The following WASF2 variants were observed in gnomAD, a reference collection of about 807,000 sequenced individuals.
WASF2 encodes actin-binding protein WASF2.
A neutral mutation model predicts 45.0 loss-of-function variants in WASF2; 14 were observed. The observed-to-expected ratio is 0.31, with a 90% CI of 0.21 to 0.49. The LOEUF (loss-of-function observed/expected upper bound fraction) is 0.49. Among genes scored for constraint, WASF2 ranks in the 20% least tolerant of loss-of-function variants. WASF2 has a pLI of 0.99. For missense variants in WASF2, 439 were observed against 636.1 expected, an observed-to-expected ratio of 0.69 and a Z score of 3.33; for synonymous variants, 200 against 236.3, an observed-to-expected ratio of 0.85 and a Z score of 1.41.
chr1:27,445,440 A>G (rs922416334), intron 1 of WASF2, among the ~76,000 whole-genome samples: 1 of 152,252 alleles, frequency 6.6e-6, no homozygotes, highest in East Asian at 1.9e-4. Context: ...AAATACGCCC[A>G]TAGTTCTCAT....
chr1:27,461,709 C>T (rs867297562), intron 1 of WASF2, among the ~76,000 whole-genome samples: 2 of 152,040 alleles, frequency 1.3e-5, no homozygotes, highest in Admixed American at 1.3e-4. Context: ...CTCCTGACCT[C>T]GTAATCCACC....
intron 1 of WASF2, among the ~76,000 whole-genome samples, chr1:27,433,533 T>G (rs553334436): frequency 1.3e-5 from 2 of 152,206 alleles, no homozygotes; most frequent in East Asian, 1.9e-4. Flanking sequence ...AGGGTCACAT[T>G]TGCATTTTAG....
chr1:27,431,155 C>G (rs1393565546), intron 1 of WASF2, among the ~76,000 whole-genome samples: 2 of 152,194 alleles, frequency 1.3e-5, no homozygotes, highest in African/African-American at 4.8e-5. Flanking sequence ...TTAATAGTCA[C>G]TGTGTGGCAG....
intron 1 of WASF2, among the ~76,000 whole-genome samples, chr1:27,475,543 C>G (rs1335615389): frequency 6.6e-6 from 1 of 152,206 alleles, no homozygotes; most frequent in African/African-American, 2.4e-5. Context: ...CCATCCTTAT[C>G]TAAGTTCCTC....
rs1399558879 is a variant in WASF2 at position 27,441,487 on chromosome 1, C to T, written c.-43-12554G>A. ...TACTAAAAATGGCCGGGCGCGGTGG[C>T]TCACGCCTGTAATCCCAGCACTTTG... is the stretch of plus-strand genomic sequence containing the variant. On this transcript the variant is annotated intron_variant, in intron 1 of 8. Transcript: ENST00000618852. Among the ~76,000 whole-genome samples the T allele has an allele frequency of 3.3e-5, 5 of 152,038 alleles. No individual in the cohort carries two copies. The East Asian group carries it at 9.8e-4, about 30-fold the overall frequency.
chr1:27,432,604 C>T (rs900519445), intron 1 of WASF2, among the ~76,000 whole-genome samples: 3 of 136,552 alleles, frequency 2.2e-5, no homozygotes, highest in African/African-American at 5.4e-5. Context: ...GCCAAGATCG[C>T]GCCACTGCAC....
At chr1:27,460,417 T>C (rs530171400) in intron 1 of WASF2, among the ~76,000 whole-genome samples, 2 of 152,182 alleles carry the variant, frequency 1.3e-5, no homozygotes, top group Non-Finnish European at 2.9e-5. Flanking sequence ...TGCACCTGTA[T>C]TATGTAAATA....
rs2016705632 is a variant in WASF2 at position 27,408,169 on chromosome 1, T to A, written c.*20A>T. The stretch of plus-strand genomic sequence containing the variant: ...AGGTAGGAAGGAAAGAAAAAGAAGG[T>A]GGGCAGCAGGCAGAAAGAGTTAATC... On this transcript the variant is annotated 3_prime_UTR_variant, in exon 9 of 9. Coordinates refer to ENST00000618852, the MANE Select transcript of WASF2 (RefSeq NM_006990.5). The A allele has an allele frequency of 1.9e-6, 3 of 1,602,340 alleles. No homozygotes were observed. Among genetic ancestry groups the A allele is most frequent in the South Asian group, 1.1e-5 (1 of 90,242 alleles).
chr1:27,477,002 T>C (rs1162306774), intron 1 of WASF2, among the ~76,000 whole-genome samples: 1 of 152,184 alleles, frequency 6.6e-6, no homozygotes, highest in East Asian at 1.9e-4. Flanking sequence ...TCAAAGTCCC[T>C]AGACTGTACC....
At chr1:27,477,910 AT>A (rs201684286) in intron 1 of WASF2, among the ~76,000 whole-genome samples, 6,146 of 101,670 alleles carry the variant, frequency 0.06, 1,537 homozygotes, top group African/African-American at 0.31. Flanking sequence ...AAAAAAAAAA[AT>A]AAATAAATAA....
rs75528364 is a variant in WASF2 at position 27,481,582 on chromosome 1, G to A, written c.-44+8404C>T. Among the ~76,000 whole-genome samples the A allele has an allele frequency of 0.035, 5,327 of 151,594 alleles. 547 individuals are homozygous for A. The East Asian group carries it at 0.36, about 10-fold the overall frequency. On this transcript the variant is annotated intron_variant, in intron 1 of 8. Transcript: ENST00000618852. ...GGCATGGGGGTGGGCGCCTGTAATC[G>A]CAGCTACTTAGCTCAGGAGGCCGAG...
intron 1 of WASF2, among the ~76,000 whole-genome samples, chr1:27,466,471 C>T (rs1571157154): frequency 6.6e-6 from 1 of 152,170 alleles, no homozygotes; most frequent in East Asian, 1.9e-4. Context: ...CACTGCACAA[C>T]AGGAGCCACT....
intron 2 of WASF2, among the ~76,000 whole-genome samples, chr1:27,425,733 G>A (rs1006410908): frequency 1.3e-5 from 2 of 151,314 alleles, no homozygotes; most frequent in Non-Finnish European, 2.9e-5. Flanking sequence ...CAGCTACCTG[G>A]GAGGCTGAGG....
intron 3 of WASF2, 60 bp from the exon 4 acceptor site, chr1:27,418,482 T>G: frequency 1.2e-6 from 2 of 1,607,354 alleles, no homozygotes; most frequent in Non-Finnish European, 1.7e-6. Flanking sequence ...AAACACTGAG[T>G]CACACCAGTC....
chr1:27,419,132 C>T lies in WASF2; in HGVS notation c.131-44G>A, dbSNP rs3748582. Reference sequence around the variant, plus strand: ...CCAAGTCACTAGTGCATAGAAGTAACGTAAATGGTCACAAAAACTGGCTAC... The same window carrying T: ...CCAAGTCACTAGTGCATAGAAGTAATGTAAATGGTCACAAAAACTGGCTAC... On this transcript the variant is annotated intron_variant, in intron 2 of 8. Transcript: ENST00000618852. The T allele has an allele frequency of 1.4e-4, 218 of 1,602,836 alleles. 2 individuals carry two copies. In the East Asian group the frequency reaches 3.4e-3, roughly 25 times the overall value.
chr1:27,467,215 C>CAA (rs59404190), intron 1 of WASF2, among the ~76,000 whole-genome samples: 18 of 84,748 alleles, frequency 2.1e-4, no homozygotes, highest in Non-Finnish European at 3.8e-4. Context: ...GACCTTGTCT[C>CAA]AAAAAAAAAA....
intron 1 of WASF2, chr1:27,459,393 C>A (rs1469322686): frequency 6.6e-6 from 1 of 152,004 alleles, no homozygotes; most frequent in Non-Finnish European, 1.5e-5. Context: ...AACTCCTGAG[C>A]TCAAGTGATC....
chr1:27,425,249 T>C (rs1250678360), intron 2 of WASF2, among the ~76,000 whole-genome samples: 1 of 152,114 alleles, frequency 6.6e-6, no homozygotes, highest in Non-Finnish European at 1.5e-5. Context: ...GCACCACACC[T>C]GGATAATTTT....
At chr1:27,464,936 C>T (rs965000448) in intron 1 of WASF2, among the ~76,000 whole-genome samples, 1 of 152,178 alleles carries the variant, frequency 6.6e-6, no homozygotes, top group African/African-American at 2.4e-5. Context: ...ACCATGTTGG[C>T]CAGGCTGGTC....
Sources: allele counts gnomAD v4.1 joint callset (sites outside exome capture counted in the v4.1 genomes callset), GRCh38; gene constraint gnomAD v4.1.1; transcripts MANE v1.5; gene names NCBI Gene and HGNC (gene_info 2026-07-23, HGNC 2026-07-21).